GAS7: variants seen among roughly 807,000 people sequenced by gnomAD.
GAS7 encodes the protein growth arrest specific 7, also known as growth arrest-specific protein 7.
Under a neutral mutation model 71.1 loss-of-function variants are expected in GAS7, and 28 were observed. The ratio of observed to expected loss-of-function variants is 0.39; its 90% confidence interval spans 0.29 to 0.54. The LOEUF (loss-of-function observed/expected upper bound fraction) is 0.54, where lower values mean the gene tolerates loss of function less well. Ranked by LOEUF, GAS7 falls within the 20% of genes least tolerant of loss-of-function variation. The probability of loss-of-function intolerance (pLI) is 0.62; values close to 1 mark genes in which losing one functional copy is unlikely to be tolerated. For missense variants in GAS7, 436 were observed against 627.8 expected (o/e 0.69, Z 3.27); for synonymous variants, 258 against 245.8 (o/e 1.05, Z -0.46).
intron 1 of GAS7, among the ~76,000 whole-genome samples, chr17:10,165,657 TA>T (rs2074288747): frequency 6.6e-6 from 1 of 152,222 alleles, no homozygotes; most frequent in South Asian, 2.1e-4. Context: ...ACCCCCAAAG[TA>T]AATGTAAGCA....
intron 1 of GAS7, among the ~76,000 whole-genome samples, chr17:10,129,140 G>A (rs2073976653): frequency 6.6e-6 from 1 of 152,192 alleles, no homozygotes; most frequent in African/African-American, 2.4e-5. Context: ...CTGCTGCGAT[G>A]AGAGATACAA....
chr17:9,919,691 G>T lies in GAS7; in HGVS notation c.1153C>A (p.Arg385Ser). Residue 385 changes from arginine to serine, a missense_variant, in exon 12 of 14, where the codon CGC becomes AGC. Physicochemically the swap from Arg to Ser is moderately radical, Grantham distance 110. Coordinates refer to ENST00000432992, the MANE Select transcript of GAS7 (RefSeq NM_201433.2). The surrounding 1 kb of genome is among the most constrained non-coding windows in gnomAD (Gnocchi z 5.0). ...KSTQAGDDLM[R>S]CVDLYNQAQS... The stretch of plus-strand genomic sequence containing the variant: ...GCCTGGTTGTAGAGATCCACACAGC[G>T]CATGAGGTCGTCTCCTGGAAAAAGA... The T allele has an allele frequency of 6.2e-7, 1 of 1,612,842 alleles. No homozygotes were observed. The highest frequency in any genetic ancestry group is 8.5e-7 in the Non-Finnish European group (1 of 1,178,858).
chr17:10,049,787 A>AT (rs2073037546), intron 1 of GAS7, among the ~76,000 whole-genome samples: 1 of 151,450 alleles, frequency 6.6e-6, no homozygotes, highest in Non-Finnish European at 1.5e-5. Context: ...CGCCCAGCTA[A>AT]TTTTTTGTAT....
chr17:10,156,778 C>T (rs1262398530), intron 1 of GAS7, among the ~76,000 whole-genome samples: 1 of 152,092 alleles, frequency 6.6e-6, no homozygotes, highest in Non-Finnish European at 1.5e-5. Context: ...AGTCGGCCCC[C>T]TCCTGCTGCA....
intron 1 of GAS7, among the ~76,000 whole-genome samples, chr17:10,157,769 A>G (rs553451441): frequency 1.4e-4 from 21 of 152,308 alleles, no homozygotes; most frequent in Non-Finnish European, 2.1e-4. Flanking sequence ...CCACCCTTAG[A>G]CATATCACCC....
intron 2 of GAS7, among the ~76,000 whole-genome samples, chr17:9,983,128 T>C (rs943875769): frequency 1.6e-4 from 15 of 95,376 alleles, no homozygotes; most frequent in South Asian, 3.0e-4. Flanking sequence ...TCTAAGCATA[T>C]GTTTCTCTTT....
chr17:10,018,880 G>T (rs1490220797), intron 2 of GAS7, among the ~76,000 whole-genome samples: 2 of 152,144 alleles, frequency 1.3e-5, no homozygotes, highest in African/African-American at 2.4e-5. Flanking sequence ...TTTTGCCTTG[G>T]AACGCATGTC....
intron 1 of GAS7, among the ~76,000 whole-genome samples, chr17:10,048,766 C>A (rs575330939): frequency 9.8e-5 from 15 of 152,308 alleles, no homozygotes; most frequent in South Asian, 4.1e-4. Context: ...TCCTTACCCT[C>A]CAGGCACTGA....
At chr17:10,158,342 A>AAAAAAAC (rs2074221653) in intron 1 of GAS7, among the ~76,000 whole-genome samples, 1 of 142,066 alleles carries the variant, frequency 7.0e-6, no homozygotes, top group African/African-American at 2.6e-5. Flanking sequence ...TTGGTAAAAA[A>AAAAAAAC]AAAAAAAAAA....
chr17:10,020,156 G>A (rs1259757669), intron 1 of GAS7: 3 of 378,472 alleles, frequency 7.9e-6, no homozygotes, highest in Non-Finnish European at 1.5e-5. Context: ...ATGCCATTCA[G>A]CTAATGGAGC....
At chr17:10,162,169 C>G (rs2074261952) in intron 1 of GAS7, among the ~76,000 whole-genome samples, 2 of 151,230 alleles carry the variant, frequency 1.3e-5, no homozygotes, top group African/African-American at 4.8e-5. Context: ...ACATGCTGGT[C>G]CCTCTGAGAT....
chr17:10,019,316 T>A (rs2072168613), intron 2 of GAS7, among the ~76,000 whole-genome samples: 1 of 152,156 alleles, frequency 6.6e-6, no homozygotes, highest in Non-Finnish European at 1.5e-5. Context: ...GACGTTGTAG[T>A]GAAATTAGGG....
intron 1 of GAS7, among the ~76,000 whole-genome samples, chr17:10,164,647 A>G (rs926268525): frequency 6.6e-6 from 1 of 151,508 alleles, no homozygotes; most frequent in African/African-American, 2.4e-5. Flanking sequence ...CTGCACTCCA[A>G]TTTGGGCAAC....
intron 1 of GAS7, among the ~76,000 whole-genome samples, chr17:10,182,760 C>A (rs1442140656): frequency 6.6e-6 from 1 of 152,140 alleles, no homozygotes; most frequent in African/African-American, 2.4e-5. Context: ...ACAACACGGG[C>A]CCAGGATTAG....
rs145705143 is a variant in GAS7, at chr17:9,924,037, T to C, written c.1138+1439A>G. On this transcript the variant is annotated intron_variant, in intron 11 of 13. Transcript: ENST00000432992. The stretch of plus-strand genomic sequence containing the variant: ...ATATTAAATAAGTTCAGAAGATAGA[T>C]TGTATGATCAAATGTATATAAATTT... 8.9e-4 allele frequency among the ~76,000 whole-genome samples: 135 copies of C among 152,272 alleles called. 2 individuals are homozygous for C. Among genetic ancestry groups the C allele is most frequent in the African/African-American group, 3.2e-3 (132 of 41,542 alleles).
chr17:10,155,252 G>C (rs1030292083), intron 1 of GAS7, among the ~76,000 whole-genome samples: 1 of 152,058 alleles, frequency 6.6e-6, no homozygotes, highest in Non-Finnish European at 1.5e-5. Flanking sequence ...CTGACCTCAG[G>C]TGATCCACCC....
chr17:10,070,341 C>CT (rs71365713), intron 1 of GAS7, among the ~76,000 whole-genome samples: 12,081 of 105,966 alleles, frequency 0.11, 394 homozygotes, highest in Non-Finnish European at 0.15. Context: ...TCTCTCTCTT[C>CT]TTTTTTTTTT....
At chr17:9,922,193 TGAA>T (rs746916105) in intron 11 of GAS7, among the ~76,000 whole-genome samples, 225 of 88,398 alleles carry the variant, frequency 2.5e-3, no homozygotes, top group African/African-American at 3.8e-3. Flanking sequence ...ATGGTGGTGA[TGAA>T]GATGATGATG....
intron 5 of GAS7, among the ~76,000 whole-genome samples, chr17:9,949,810 CTTCCCTCCCTCT>C (rs1052987270): frequency 6.7e-6 from 1 of 149,936 alleles, no homozygotes; most frequent in Non-Finnish European, 1.5e-5. Context: ...CCCCTCCCTC[CTTCCCTCCCTCT>C]TTCCCTCTTC....
Sources: allele counts gnomAD v4.1 joint callset (sites outside exome capture counted in the v4.1 genomes callset), GRCh38; gene constraint gnomAD v4.1.1; non-coding constraint Gnocchi (gnomAD v3.1); transcripts MANE v1.5; gene names NCBI Gene and HGNC (gene_info 2026-07-23, HGNC 2026-07-21).